The following NAV1 variants were observed in gnomAD, a reference collection of about 807,000 sequenced individuals.
The protein encoded by NAV1 is neuron navigator 1.
A neutral mutation model predicts 175.2 loss-of-function variants in NAV1; 18 were observed. The ratio of observed to expected loss-of-function variants is 0.10; its 90% CI spans 0.07 to 0.15. NAV1 has a LOEUF of 0.15. NAV1 is among the 10% of genes least tolerant of loss of function. NAV1 has a pLI of 1.00. For missense variants in NAV1, 1,731 were observed against 2,436.6 expected (o/e 0.71, Z 6.10); for synonymous variants, 897 against 978.7 (o/e 0.92, Z 1.56).
At chr1:201,735,505 A>G (rs528415589) in intron 3 of NAV1, among the ~76,000 whole-genome samples, 20 of 152,320 alleles carry the variant, frequency 1.3e-4, no homozygotes, top group Admixed American at 4.6e-4. Flanking sequence ...AGCGCCCCAC[A>G]TTCATGCATG....
At chr1:201,577,945 C>T (rs544173630) in intron 1 of NAV1, among the ~76,000 whole-genome samples, 31 of 152,320 alleles carry the variant, frequency 2.0e-4, no homozygotes, top group African/African-American at 7.2e-4. Flanking sequence ...TTGTCTTTAA[C>T]TCGCAGATGC....
At chr1:201,643,104 T>C (rs542489798) in intron 2 of NAV1, among the ~76,000 whole-genome samples, 152 of 148,594 alleles carry the variant, frequency 1.0e-3, no homozygotes, top group Admixed American at 2.0e-3. Context: ...TTTCTCTTTC[T>C]TTCTTTCTTT....
At chr1:201,557,032 A>T (rs1363255778) in intron 1 of NAV1, among the ~76,000 whole-genome samples, 1 of 152,102 alleles carries the variant, frequency 6.6e-6, no homozygotes, top group Non-Finnish European at 1.5e-5. Context: ...CAGGGCCCCC[A>T]CTTAAGGCTT....
intron 2 of NAV1, among the ~76,000 whole-genome samples, chr1:201,593,682 T>C (rs963334377): frequency 6.6e-6 from 1 of 152,160 alleles, no homozygotes; most frequent in African/African-American, 2.4e-5. Flanking sequence ...ATTGCAACAT[T>C]GTCATGGGGG....
rs1415034521 is a variant in NAV1 at position 201,718,516 on chromosome 1, C to T, written c.987C>T (p.Asp329=). The stretch of plus-strand genomic sequence containing the variant: ...CCAGTCCGCGGCTGCAGGCTGGTGA[C>T]GCGCCCTCTGTGGGTGGGAGCTGCC... Residue 329 remains aspartate, a synonymous_variant, in exon 3 of 30, where the codon GAC becomes GAT. Coordinates refer to ENST00000367296, the Ensembl canonical transcript of NAV1. This position sits in a 1 kb window ranked among gnomAD's most constrained non-coding sequence, Gnocchi z 4.8. 9 of 1,610,606 alleles carry T rather than the reference C, an allele frequency of 5.6e-6. No individual in the cohort carries two copies. Among genetic ancestry groups the T allele is most frequent in the East Asian group, 4.5e-5 (2 of 44,804 alleles).
At chr1:201,628,435 G>A (rs931974363) in intron 1 of NAV1, among the ~76,000 whole-genome samples, 1 of 152,150 alleles carries the variant, frequency 6.6e-6, no homozygotes, top group Admixed American at 6.5e-5. Context: ...GAGGAGAAGA[G>A]ATCTACTCCA....
At position 201,713,531 on chromosome 1, in the gene NAV1, A is replaced by C. The variant is rs542893153; in HGVS notation, c.860+612A>C. Among the ~76,000 whole-genome samples, 3 of 152,222 alleles carry C rather than the reference A, an allele frequency of 2.0e-5. No individual in the cohort carries two copies. In the South Asian group the frequency reaches 6.2e-4, roughly 32 times the overall value. On this transcript the variant is annotated intron_variant, in intron 2 of 29. Transcript: ENST00000367296. ...GCTGCATGGGGCACTCAGCCTTCCC[A>C]CGGCACCTCTCTCTGGAGCAAAGTC...
exon 1 of NAV1, chr1:201,649,258 G>T: frequency 6.2e-7 from 1 of 1,613,154 alleles, no homozygotes; most frequent in Non-Finnish European, 8.5e-7. Flanking sequence ...AGCGAAGATG[G>T]CAAATCGGAC....
chr1:201,648,824 C>A, exon 1 of NAV1: 1 of 1,591,178 alleles, frequency 6.3e-7, no homozygotes, highest in Non-Finnish European at 8.5e-7. Flanking sequence ...CGCCCGGCGG[C>A]GGCGGCGGCA....
At chr1:201,582,641 G>A (rs1666900484) in intron 1 of NAV1, among the ~76,000 whole-genome samples, 1 of 152,208 alleles carries the variant, frequency 6.6e-6, no homozygotes, top group South Asian at 2.1e-4. Flanking sequence ...TCCAGGACAG[G>A]CCCAGAGGCC....
intron 1 of NAV1, among the ~76,000 whole-genome samples, chr1:201,549,501 G>A (rs920830229): frequency 1.3e-5 from 2 of 152,206 alleles, no homozygotes; most frequent in South Asian, 2.1e-4. Context: ...GCGCCAACGC[G>A]CCTGGCCTTC....
chr1:201,642,557 T>TTCTTTTTTTCTTTC (rs1668819760), intron 2 of NAV1, among the ~76,000 whole-genome samples: 3 of 106,018 alleles, frequency 2.8e-5, no homozygotes, highest in African/African-American at 1.3e-4. Flanking sequence ...TTCTTTCTTT[T>TTCTTTTTTTCTTTC]TTCCCTTTCT....
At chr1:201,711,151 C>T (rs1671889442) in intron 1 of NAV1, among the ~76,000 whole-genome samples, 1 of 152,228 alleles carries the variant, frequency 6.6e-6, no homozygotes. Flanking sequence ...GAAGTGATGC[C>T]AGGACTGGGG....
intron 1 of NAV1, among the ~76,000 whole-genome samples, chr1:201,703,011 C>CA (rs1671504580): frequency 6.6e-6 from 1 of 152,178 alleles, no homozygotes; most frequent in South Asian, 2.1e-4. Flanking sequence ...TTACTAGTGT[C>CA]ACAACCAGAA....
intron 2 of NAV1, among the ~76,000 whole-genome samples, chr1:201,639,229 G>A (rs1166571142): frequency 1.3e-5 from 2 of 152,228 alleles, no homozygotes; most frequent in African/African-American, 2.4e-5. Flanking sequence ...GAGTGGGGAA[G>A]GGCTTGAGTA....
chr1:201,790,292 A>G (rs1677027960), intron 11 of NAV1, among the ~76,000 whole-genome samples: 2 of 152,178 alleles, frequency 1.3e-5, no homozygotes, highest in African/African-American at 4.8e-5. Context: ...AAACCAACCA[A>G]AGTCTCATTT....
upstream of NAV1, among the ~76,000 whole-genome samples, chr1:201,643,322 TCTTC>T (rs1264143233): frequency 6.9e-6 from 1 of 145,648 alleles, no homozygotes; most frequent in Non-Finnish European, 1.5e-5. Context: ...TTTCTTTCTT[TCTTC>T]CCTTCCCTCT....
intron 3 of NAV1, among the ~76,000 whole-genome samples, chr1:201,720,004 A>G (rs1426213563): frequency 6.6e-6 from 1 of 152,226 alleles, no homozygotes; most frequent in African/African-American, 2.4e-5. Flanking sequence ...CAACTGACGC[A>G]TGAATGGAGT....
At chr1:201,681,570 C>T (rs1670463455) in intron 1 of NAV1, among the ~76,000 whole-genome samples, 1 of 152,228 alleles carries the variant, frequency 6.6e-6, no homozygotes, top group South Asian at 2.1e-4. Context: ...TTGCTCTCCC[C>T]CGAGTCAGCC....
Sources: gnomAD v4.1 joint callset for allele counts (sites outside exome capture counted in the v4.1 genomes callset) on GRCh38, gnomAD v4.1.1 for gene constraint, Gnocchi (gnomAD v3.1) non-coding constraint, MANE v1.5 for transcripts, NCBI Gene and HGNC (gene_info 2026-07-23, HGNC 2026-07-21) for gene names.